Variants in RNF185 observed in about 807,000 individuals in gnomAD.
RNF185 encodes ring finger protein 185.
In RNF185, 13 loss-of-function variants were observed where a neutral mutation model predicts 24.9. That is an observed-to-expected ratio of 0.52 (90% CI 0.34 to 0.83). The LOEUF (loss-of-function observed/expected upper bound fraction) is 0.83, where lower values mean the gene tolerates loss of function less well. RNF185 is among the 40% of genes least tolerant of loss of function. The probability of loss-of-function intolerance (pLI) is 0.01; values close to 1 mark genes in which losing one functional copy is unlikely to be tolerated. For synonymous variants in RNF185, 79 were observed against 90.3 expected, an observed-to-expected ratio of 0.88 and a Z score of 0.71; for missense variants, 184 against 244.7, an observed-to-expected ratio of 0.75 and a Z score of 1.65.
At chr22:31,168,141 C>G (rs1924048559) in intron 1 of RNF185, among the ~76,000 whole-genome samples, 1 of 152,298 alleles carries the variant, frequency 6.6e-6, no homozygotes, top group Admixed American at 6.5e-5. Flanking sequence ...CTTTCTGTCT[C>G]TATGATTTTG....
intron 4 of RNF185, 22 bp downstream of exon 4, chr22:31,195,603 C>T (rs1466426306): frequency 6.9e-7 from 1 of 1,459,468 alleles, no homozygotes; most frequent in South Asian, 1.2e-5. Flanking sequence ...GGATGCCTCT[C>T]CCAACCACTT....
chr22:31,185,658 C>G (rs1406747318), intron 1 of RNF185, among the ~76,000 whole-genome samples: 2 of 152,234 alleles, frequency 1.3e-5, no homozygotes, highest in Non-Finnish European at 2.9e-5. Flanking sequence ...CTCCACTTCT[C>G]TGACTGTGGT....
chr22:31,164,669 A>G (rs1156552392), intron 1 of RNF185, among the ~76,000 whole-genome samples: 1 of 141,750 alleles, frequency 7.1e-6, no homozygotes, highest in African/African-American at 2.7e-5. Context: ...GCTAACTGCA[A>G]CCCCCCTCCC....
chr22:31,198,015 T>G (rs1192719028), intron 5 of RNF185, among the ~76,000 whole-genome samples: 1 of 152,240 alleles, frequency 6.6e-6, no homozygotes, highest in African/African-American at 2.4e-5. Flanking sequence ...TTAAAAAAAT[T>G]CTGTTAAAAT....
intron 2 of RNF185, among the ~76,000 whole-genome samples, chr22:31,187,676 CA>C (rs2048113255): frequency 6.6e-6 from 1 of 152,156 alleles, no homozygotes; most frequent in Admixed American, 6.5e-5. Flanking sequence ...CCTCATTTTA[CA>C]GGGTCGTTTG....
chr22:31,192,633 TC>T (rs1296327418), intron 2 of RNF185, 50 bp from the exon 3 acceptor site: 2 of 1,569,612 alleles, frequency 1.3e-6, no homozygotes, highest in African/African-American at 2.7e-5. Flanking sequence ...TTTCTTCCTT[TC>T]CCCTTTTCTC....
chr22:31,183,826 C>T (rs2048064729), intron 1 of RNF185, among the ~76,000 whole-genome samples: 4 of 152,168 alleles, frequency 2.6e-5, no homozygotes, highest in Admixed American at 6.5e-5. Flanking sequence ...CTTTCTTTTC[C>T]CCACATTTCC....
intron 1 of RNF185, among the ~76,000 whole-genome samples, chr22:31,175,242 G>A (rs2047970860): frequency 6.6e-6 from 1 of 151,882 alleles, no homozygotes; most frequent in Non-Finnish European, 1.5e-5. Context: ...TTGAGCCCAG[G>A]AGTTCAAGAC....
At chr22:31,179,462 A>G (rs1159905059) in intron 1 of RNF185, among the ~76,000 whole-genome samples, 5 of 152,302 alleles carry the variant, frequency 3.3e-5, no homozygotes, top group Non-Finnish European at 5.9e-5. Context: ...GGCCCAGAAT[A>G]TGTTACAAAG....
chr22:31,185,328 G>T (rs2048088587), intron 1 of RNF185, among the ~76,000 whole-genome samples: 1 of 152,176 alleles, frequency 6.6e-6, no homozygotes, highest in Admixed American at 6.5e-5. Context: ...AGTCCACCGT[G>T]TGAAGGCAGG....
rs146488701 is a variant in RNF185 at position 31,165,623 on chromosome 22, G to A, written c.-49+5320G>A. ...AAGTAAATTTCCATTTGAGGCTACT[G>A]ACCATGCAGAGCTTGACTCAAACCC... On this transcript the variant is annotated intron_variant, in intron 1 of 6. Coordinates refer to ENST00000326132, the MANE Select transcript of RNF185 (RefSeq NM_152267.4). Among the ~76,000 whole-genome samples the A allele has an allele frequency of 6.6e-5, 10 of 152,338 alleles. No individual in the cohort carries two copies. The East Asian group carries it at 1.9e-3, about 29-fold the overall frequency.
rs568100079 is a variant in RNF185 at position 31,165,301 on chromosome 22, T to C, written c.-49+4998T>C. Among the ~76,000 whole-genome samples the C allele has an allele frequency of 1.3e-5, 2 of 152,296 alleles. 1 individual carries two copies. The highest frequency in any genetic ancestry group is 4.1e-4 in the South Asian group (2 of 4,832). On this transcript the variant is annotated intron_variant, in intron 1 of 6. Transcript: ENST00000326132. The stretch of plus-strand genomic sequence containing the variant: ...CCCACTAAAAAAATTATATCTCTCC[T>C]AGTGGGTGTGAAGTGATATCTCATT...
chr22:31,192,786 G>C, intron 3 of RNF185, 84 bp downstream of exon 3: 2 of 1,272,370 alleles, frequency 1.6e-6, no homozygotes, highest in Non-Finnish European at 2.3e-6. Context: ...GCTTTCAGAA[G>C]CTGCAATCTG....
At chr22:31,174,916 CA>C (rs943982117) in intron 1 of RNF185, among the ~76,000 whole-genome samples, 1 of 150,838 alleles carries the variant, frequency 6.6e-6, no homozygotes, top group Non-Finnish European at 1.5e-5. Context: ...CGAAAAATAC[CA>C]AAAAAATTAG....
intron 1 of RNF185, among the ~76,000 whole-genome samples, chr22:31,185,621 G>C (rs1568967225): frequency 6.6e-6 from 1 of 152,198 alleles, no homozygotes; most frequent in Non-Finnish European, 1.5e-5. Context: ...CACCTAGCAA[G>C]CTAGAGGCTG....
intron 1 of RNF185, among the ~76,000 whole-genome samples, chr22:31,186,730 G>A (rs1602829617): frequency 1.3e-5 from 2 of 152,184 alleles, no homozygotes; most frequent in Non-Finnish European, 2.9e-5. Flanking sequence ...TGTCACCTGG[G>A]TTGATTGTCA....
At position 31,189,280 on chromosome 22, in the gene RNF185, C is replaced by CTTTTTTTTTTTTTTT. The variant is rs1050842065; in HGVS notation, c.176+2023_176+2037dup. On this transcript the variant is annotated intron_variant, in intron 2 of 6. Coordinates refer to ENST00000326132, the MANE Select transcript of RNF185 (RefSeq NM_152267.4). ...ATTTAAATGTACAGCTGTTGTATAT[C>CTTTTTTTTTTTTTTT]TTTTTTTTTTTTTTTTTTTTTTTTT... Among the ~76,000 whole-genome samples, 4 of 61,538 alleles carry CTTTTTTTTTTTTTTT rather than the reference C, an allele frequency of 6.5e-5. 1 individual carries two copies. The highest frequency in any genetic ancestry group is 2.8e-4 in the Admixed American group (1 of 3,526). The allele number at this position is 61,538 out of a possible 152,430, so 40.4% of individuals were successfully genotyped here.
intron 4 of RNF185, 100 bp downstream of exon 4, chr22:31,195,681 G>C (rs1282433016): frequency 4.0e-6 from 3 of 742,408 alleles, no homozygotes; most frequent in Non-Finnish European, 6.7e-6. Context: ...AGTACTAGAT[G>C]ATCTCTTGGT....
At chr22:31,181,411 T>G (rs1211487697) in intron 1 of RNF185, among the ~76,000 whole-genome samples, 1 of 152,178 alleles carries the variant, frequency 6.6e-6, no homozygotes, top group African/African-American at 2.4e-5. Context: ...ACAGTGAACC[T>G]CCATTCATCA....
Sources: gnomAD v4.1 joint callset for allele counts (sites outside exome capture counted in the v4.1 genomes callset) on GRCh38, gnomAD v4.1.1 for gene constraint, MANE v1.5 for transcripts, NCBI Gene and HGNC (gene_info 2026-07-23, HGNC 2026-07-21) for gene names.